Variants in TECPR2 observed in about 807,000 individuals in gnomAD.
TECPR2 encodes the protein tectonin beta-propeller repeat-containing protein 2.
In TECPR2, 65 loss-of-function variants were observed where a neutral mutation model predicts 138.1. That is an observed-to-expected ratio of 0.47 (90% confidence interval 0.39 to 0.58). The LOEUF is 0.58. Ranked by LOEUF, TECPR2 falls within the 20% of genes least tolerant of loss-of-function variation. The pLI is 0.00. For synonymous variants in TECPR2, 746 were observed against 749.8 expected (o/e 0.99, Z 0.08); for missense variants, 1,553 against 1,824.5 (o/e 0.85, Z 2.71).
At chr14:102,413,325 T>C (rs931799003) in intron 4 of TECPR2, among the ~76,000 whole-genome samples, 17 of 150,982 alleles carry the variant, frequency 1.1e-4, no homozygotes, top group African/African-American at 4.1e-4. Flanking sequence ...TTTTCATATA[T>C]ATATTGGATT....
rs538823929 is a variant in TECPR2 at position 102,501,796 on chromosome 14, T to G, written c.*3539T>G. On this transcript the variant is annotated 3_prime_UTR_variant, in exon 20 of 20. Transcript: ENST00000359520. ...CATAAATATATTTATTAAAAACCAA[T>G]AGGAGGAGCACTTCGAGTCGAGTGT... 6.6e-6 allele frequency: 1 copy of G among 152,026 alleles called. No individual in the cohort carries two copies. 9.4% of individuals were successfully genotyped at this position (152,026 alleles called of 1,614,324 possible).
intron 8 of TECPR2, among the ~76,000 whole-genome samples, chr14:102,433,976 G>A (rs1236168903): frequency 6.6e-6 from 1 of 152,134 alleles, no homozygotes; most frequent in Non-Finnish European, 1.5e-5. Context: ...TAAGGAATTG[G>A]TTTGTGACCC....
chr14:102,414,515 C>A, intron 4 of TECPR2, 121 bp from the exon 5 acceptor site: 2 of 1,206,612 alleles, frequency 1.7e-6, no homozygotes, highest in Non-Finnish European at 2.3e-6. Flanking sequence ...TGAAAGCATG[C>A]GTTAAGTAAG....
intron 1 of TECPR2, among the ~76,000 whole-genome samples, chr14:102,367,429 G>A (rs1460238104): frequency 6.6e-6 from 1 of 152,038 alleles, no homozygotes; most frequent in Non-Finnish European, 1.5e-5. Flanking sequence ...TCTTCTCCCA[G>A]CCCTGGGCAA....
rs114375032 is a variant in TECPR2 at position 102,443,544 on chromosome 14, T to C, written c.2753-103T>C. ...TTAAAGCACTCATCATAAAAGAATA[T>C]AGCAAAATACCAAAAAAGGAAAAAT... On this transcript the variant is annotated intron_variant, in intron 11 of 19. Transcript: ENST00000359520. The surrounding 1 kb of genome is among the most constrained non-coding windows in gnomAD (Gnocchi z 4.9). 0.029 allele frequency: 34,024 copies of C among 1,157,694 alleles called. 650 individuals are homozygous for C. Among genetic ancestry groups the C allele is most frequent in the South Asian group, 0.074 (2,325 of 31,418 alleles). 71.7% of individuals were successfully genotyped at this position (1,157,694 alleles called of 1,614,324 possible). A position where few individuals can be genotyped will look rare whatever the true frequency, so the allele number is the denominator to read the frequency against.
intron 17 of TECPR2, among the ~76,000 whole-genome samples, chr14:102,478,155 C>G (rs1288004994): frequency 6.6e-6 from 1 of 151,800 alleles, no homozygotes; most frequent in African/African-American, 2.4e-5. Flanking sequence ...AAGCCATCCT[C>G]CCACCTCAGC....
At position 102,431,836 on chromosome 14, in the gene TECPR2, C is replaced by T. The variant is rs144187959; in HGVS notation, c.1125C>T (p.Val375=). The T allele has an allele frequency of 1.7e-4, 275 of 1,595,312 alleles. No homozygotes were observed. The highest frequency in any genetic ancestry group is 2.2e-4 in the Non-Finnish European group (254 of 1,165,644). The part of the protein sequence containing the change: ...GLEMSGCSER[V]HVQQAEKLPG... ...AGATGTCTGGATGCTCAGAGCGTGT[C>T]CACGTGCAGCAAGCGGAGAAGCTGC... Residue 375 remains valine, a synonymous_variant, in exon 8 of 20, where the codon GTC becomes GTT. Transcript: ENST00000359520.
intron 1 of TECPR2, among the ~76,000 whole-genome samples, chr14:102,367,813 A>G (rs944187596): frequency 6.6e-6 from 1 of 152,152 alleles, no homozygotes; most frequent in African/African-American, 2.4e-5. Context: ...AACCTTTTGA[A>G]GAACTGCCCA....
chr14:102,374,424 G>C (rs1887591119), intron 1 of TECPR2, among the ~76,000 whole-genome samples: 1 of 152,080 alleles, frequency 6.6e-6, no homozygotes, highest in Admixed American at 6.6e-5. Flanking sequence ...CTAGAGTGCA[G>C]TGACACAGTC....
At chr14:102,380,453 C>G (rs966123165) in intron 2 of TECPR2, among the ~76,000 whole-genome samples, 17 of 152,336 alleles carry the variant, frequency 1.1e-4, no homozygotes, top group African/African-American at 4.1e-4. Context: ...CTGCGGAGGC[C>G]TCAGGAAACT....
rs371752089 is a variant in TECPR2 at position 102,425,241 on chromosome 14, G to A, written c.901G>A (p.Val301Met). ...LVSCFFQEGW[V>M]LSWNEYSIYL... is the part of the protein sequence containing the mutation. ...TTCATGTTTCTTTCAAGAAGGCTGG[G>A]TGCTGAGTTGGAATGAATATAGTAT... is the stretch of plus-strand genomic sequence containing the variant. Residue 301 changes from valine to methionine, a missense_variant, in exon 6 of 20, where the codon GTG becomes ATG. By Grantham distance (21) the Val-to-Met change is conservative (BLOSUM62 1). Transcript: ENST00000359520. 1.1e-5 allele frequency: 17 copies of A among 1,613,226 alleles called. No homozygotes were observed. The highest frequency in any genetic ancestry group is 6.7e-5 in the East Asian group (3 of 44,882).
Position 102,407,580 on chromosome 14 carries a change from G to A in TECPR2, c.348+114G>A, listed in dbSNP as rs779667109. Reference sequence around the variant, plus strand: ...TTTATGCTCAGAGAAAGCCGGGCACGACTTTCTCTGCCCAGGCTCATGCCT... The same window carrying A: ...TTTATGCTCAGAGAAAGCCGGGCACAACTTTCTCTGCCCAGGCTCATGCCT... On this transcript the variant is annotated intron_variant, in intron 3 of 19. Transcript: ENST00000359520. The A allele has an allele frequency of 2.3e-5, 31 of 1,361,646 alleles. No homozygotes were observed. In the East Asian group the frequency reaches 3.7e-4, roughly 16 times the overall value. 84.3% of individuals were successfully genotyped at this position (1,361,646 alleles called of 1,614,324 possible).
At chr14:102,431,769 T>C in intron 7 of TECPR2, 27 bp from the exon 8 acceptor site, 1 of 1,519,460 alleles carries the variant, frequency 6.6e-7, no homozygotes, top group Non-Finnish European at 8.8e-7. Context: ...GGATCACCAG[T>C]GGTAAAACCA....
intron 2 of TECPR2, among the ~76,000 whole-genome samples, chr14:102,390,397 T>C (rs1165242882): frequency 1.3e-5 from 2 of 151,916 alleles, no homozygotes; most frequent in African/African-American, 2.4e-5. Context: ...TCCTGGGAAG[T>C]TGGAAATAAA....
chr14:102,423,679 A>T (rs1185836251), intron 5 of TECPR2, among the ~76,000 whole-genome samples: 2 of 152,160 alleles, frequency 1.3e-5, no homozygotes, highest in African/African-American at 2.4e-5. Context: ...ACATCGCCTA[A>T]TGACATATTT....
intron 2 of TECPR2, among the ~76,000 whole-genome samples, chr14:102,394,215 G>A (rs913289086): frequency 6.6e-6 from 1 of 152,084 alleles, no homozygotes. Context: ...GTTAATTCAC[G>A]GAGAAAGTAT....
chr14:102,372,609 A>C, intron 1 of TECPR2, among the ~76,000 whole-genome samples: 1 of 152,002 alleles, frequency 6.6e-6, no homozygotes. Context: ...GAGGCCGGGC[A>C]TGGTGGTTCA....
At chr14:102,381,020 G>T (rs1170052548) in intron 2 of TECPR2, among the ~76,000 whole-genome samples, 2 of 147,846 alleles carry the variant, frequency 1.4e-5, no homozygotes, top group Non-Finnish European at 3.0e-5. Flanking sequence ...TTGTTGCCCA[G>T]GCTGGAGCGT....
intron 4 of TECPR2, 123 bp downstream of exon 4, chr14:102,408,742 T>G: frequency 9.1e-7 from 1 of 1,097,504 alleles, no homozygotes; most frequent in Non-Finnish European, 1.3e-6. Flanking sequence ...ATCTCAATTG[T>G]TATTTGTAAC....
Sources: gnomAD v4.1 joint callset for allele counts (sites outside exome capture counted in the v4.1 genomes callset) on GRCh38, gnomAD v4.1.1 for gene constraint, Gnocchi (gnomAD v3.1) non-coding constraint, MANE v1.5 for transcripts, NCBI Gene and HGNC (gene_info 2026-07-23, HGNC 2026-07-21) for gene names.